Variants in MLIP observed in about 807,000 individuals in gnomAD.
MLIP encodes the protein muscular LMNA-interacting protein.
Under a neutral mutation model 84.8 loss-of-function variants are expected in MLIP, and 79 were observed. The ratio of observed to expected loss-of-function variants is 0.93; its 90% CI spans 0.78 to 1.12. MLIP has a LOEUF of 1.12. MLIP is among the 50% of genes most tolerant of loss of function. The pLI, the probability that MLIP is intolerant of heterozygous loss-of-function variation, is 0.00. For missense variants in MLIP, 1,257 were observed against 1,160.6 expected (o/e 1.08, Z -1.21); for synonymous variants, 504 against 463.0 (o/e 1.09, Z -1.14).
intron 3 of MLIP, among the ~76,000 whole-genome samples, chr6:54,128,795 G>A (rs1436529859): frequency 6.6e-6 from 1 of 152,140 alleles, no homozygotes; most frequent in Non-Finnish European, 1.5e-5. Context: ...AAAATGAGTT[G>A]ATAATATATC....
intron 1 of MLIP, chr6:54,031,308 G>T (rs1398143786): frequency 6.6e-6 from 1 of 152,058 alleles, no homozygotes; most frequent in Non-Finnish European, 1.5e-5. Context: ...AAGGCCATCT[G>T]ATTTTGGTGC....
intron 1 of MLIP, among the ~76,000 whole-genome samples, chr6:54,020,438 A>G (rs557567652): frequency 6.6e-6 from 1 of 152,394 alleles, no homozygotes; most frequent in Admixed American, 6.5e-5. Context: ...ATAAAGGCTT[A>G]GTGGTCATAA....
intron 11 of MLIP, chr6:54,216,356 T>C: frequency 3.0e-6 from 3 of 985,360 alleles, no homozygotes; most frequent in Non-Finnish European, 3.6e-6. Flanking sequence ...CACCTCCACA[T>C]GGGAAATAAA....
intron 5 of MLIP, 64 bp from the exon 6 acceptor site, chr6:54,160,303 A>G (rs1582330155): frequency 3.1e-6 from 4 of 1,304,848 alleles, no homozygotes; most frequent in South Asian, 2.5e-5. Flanking sequence ...TTCTTTGAAG[A>G]TACTTTTCTA....
chr6:54,208,522 G>A (rs1779198641), intron 11 of MLIP, among the ~76,000 whole-genome samples: 1 of 152,186 alleles, frequency 6.6e-6, no homozygotes, highest in Non-Finnish European at 1.5e-5. Flanking sequence ...AGAATTCGAG[G>A]TGGCAGTGAT....
At chr6:54,263,659 T>C (rs1157941828) in intron 13 of MLIP, among the ~76,000 whole-genome samples, 2 of 152,064 alleles carry the variant, frequency 1.3e-5, no homozygotes, top group Admixed American at 6.6e-5. Flanking sequence ...ATGCTTTCTG[T>C]AACATTGGCT....
At chr6:54,080,086 C>T (rs1767038514) in intron 1 of MLIP, among the ~76,000 whole-genome samples, 1 of 152,138 alleles carries the variant, frequency 6.6e-6, no homozygotes, top group South Asian at 2.1e-4. Flanking sequence ...GGCCACTTTC[C>T]ATGCTGTAAT....
At chr6:54,227,046 G>T (rs1243469526) in intron 11 of MLIP, among the ~76,000 whole-genome samples, 1 of 152,080 alleles carries the variant, frequency 6.6e-6, no homozygotes, top group Admixed American at 6.5e-5. Context: ...AGATCATGGG[G>T]GCAGATTTCC....
chr6:54,081,096 G>A (rs948977510), intron 1 of MLIP, among the ~76,000 whole-genome samples: 6 of 152,042 alleles, frequency 3.9e-5, no homozygotes, highest in Non-Finnish European at 5.9e-5. Context: ...TTTCAGATCA[G>A]CTTTCTCACC....
chr6:54,163,928 T>G (rs1774911785), intron 8 of MLIP, among the ~76,000 whole-genome samples: 1 of 151,930 alleles, frequency 6.6e-6, no homozygotes, highest in Non-Finnish European at 1.5e-5. Context: ...AATTATAGTT[T>G]TGCTGCGAAT....
At chr6:54,107,182 G>C (rs1019863605), upstream of MLIP, among the ~76,000 whole-genome samples, 1 of 152,044 alleles carries the variant, frequency 6.6e-6, no homozygotes, top group Admixed American at 6.6e-5. Flanking sequence ...TGAAGCTTTT[G>C]GTTTACTTTA....
At chr6:54,056,523 G>A (rs558135894) in intron 1 of MLIP, among the ~76,000 whole-genome samples, 1 of 152,288 alleles carries the variant, frequency 6.6e-6, no homozygotes, top group South Asian at 2.1e-4. Context: ...GAAGTAAACA[G>A]TAGGAGACCC....
At chr6:54,127,781 T>TA (rs898562746) in intron 3 of MLIP, among the ~76,000 whole-genome samples, 2 of 152,116 alleles carry the variant, frequency 1.3e-5, no homozygotes, top group African/African-American at 4.8e-5. Context: ...TATCTTACGT[T>TA]AAAAAAATCA....
intron 11 of MLIP, among the ~76,000 whole-genome samples, chr6:54,226,091 AAAGAAATGGTAGCTGAAAAAAGG>A (rs1582556495): frequency 6.6e-6 from 1 of 152,240 alleles, no homozygotes; most frequent in East Asian, 1.9e-4. Flanking sequence ...AAAGGAAGGT[AAAGAAATGGTAGCTGAAAAAAGG>A]AAGAAAAGGT....
At chr6:54,144,165 C>T (rs1772576154) in intron 4 of MLIP, among the ~76,000 whole-genome samples, 1 of 152,140 alleles carries the variant, frequency 6.6e-6, no homozygotes, top group Non-Finnish European at 1.5e-5. Flanking sequence ...TGGGCAATCC[C>T]TATGAACGGG....
chr6:54,198,550 T>C (rs899680042), intron 10 of MLIP, among the ~76,000 whole-genome samples: 1 of 152,138 alleles, frequency 6.6e-6, no homozygotes, highest in Non-Finnish European at 1.5e-5. Flanking sequence ...AGCCCTTTGC[T>C]GTAACTCTGT....
chr6:54,227,204 A>G (rs917526429), intron 11 of MLIP, among the ~76,000 whole-genome samples: 3 of 152,088 alleles, frequency 2.0e-5, no homozygotes, highest in African/African-American at 7.2e-5. Context: ...GAGACCTCCC[A>G]CCCATGCTTC....
At chr6:54,187,409 G>A (rs1777501443) in intron 9 of MLIP, among the ~76,000 whole-genome samples, 1 of 152,078 alleles carries the variant, frequency 6.6e-6, no homozygotes, top group African/African-American at 2.4e-5. Context: ...AACGAGGGGG[G>A]ACTATAACAA....
At chr6:54,131,385 AT>A (rs1186727247) in intron 3 of MLIP, among the ~76,000 whole-genome samples, 1 of 151,812 alleles carries the variant, frequency 6.6e-6, no homozygotes, top group Admixed American at 6.6e-5. Context: ...TTTAATTTTT[AT>A]TTTTTTTAAA....
Sources: allele counts gnomAD v4.1 joint callset (sites outside exome capture counted in the v4.1 genomes callset), GRCh38; gene constraint gnomAD v4.1.1; transcripts MANE v1.5; gene names NCBI Gene and HGNC (gene_info 2026-07-23, HGNC 2026-07-21).